CNKSR2: variants seen among roughly 807,000 people sequenced by gnomAD.
The protein encoded by CNKSR2 is connector enhancer of kinase suppressor of Ras 2.
A neutral mutation model predicts 84.4 loss-of-function variants in CNKSR2; 14 were observed. That is an observed-to-expected ratio of 0.17 (90% CI 0.11 to 0.26). The LOEUF (loss-of-function observed/expected upper bound fraction) is 0.26, where lower values mean the gene tolerates loss of function less well. Ranked by LOEUF, CNKSR2 falls within the 10% of genes least tolerant of loss-of-function variation. CNKSR2 has a pLI of 1.00. For synonymous variants in CNKSR2, 275 were observed against 277.9 expected (o/e 0.99, Z 0.10); for missense variants, 485 against 771.2 (o/e 0.63, Z 4.40).
chrX:21,456,375 C>G (rs1473183129), intron 4 of CNKSR2, among the ~76,000 whole-genome samples: 1 of 111,364 alleles, frequency 9.0e-6, no homozygotes, highest in Non-Finnish European at 1.9e-5. Flanking sequence ...CTCCTCCCAC[C>G]CTGTCCATTG....
At chrX:21,635,575 T>C (rs1482233226) in intron 20 of CNKSR2, among the ~76,000 whole-genome samples, 3 of 108,324 alleles carry the variant, frequency 2.8e-5, no homozygotes, top group African/African-American at 1.0e-4. Flanking sequence ...TATGTATATA[T>C]AAATGTGTGT....
At chrX:21,572,375 T>C (rs920134586) in intron 13 of CNKSR2, among the ~76,000 whole-genome samples, 3 of 112,940 alleles carry the variant, frequency 2.7e-5, no homozygotes, top group Non-Finnish European at 3.7e-5. Flanking sequence ...AGGTTACAAA[T>C]TGAATAATCA....
chrX:21,375,182 G>A, intron 1 of CNKSR2, among the ~76,000 whole-genome samples: 1 of 113,114 alleles, frequency 8.8e-6, no homozygotes, highest in Non-Finnish European at 1.9e-5. Flanking sequence ...GAGAGCTAGA[G>A]GGCAGCGGGC....
intron 5 of CNKSR2, among the ~76,000 whole-genome samples, chrX:21,478,951 G>A (rs965599308): frequency 8.1e-5 from 9 of 111,450 alleles, no homozygotes; most frequent in Non-Finnish European, 3.8e-5. Flanking sequence ...ATTCAGTTTT[G>A]ATACATGGGC....
chrX:21,374,629 CA>C lies in CNKSR2; in HGVS notation c.-268del, dbSNP rs1161359289. 868 of 501,488 alleles carry C rather than the reference CA, an allele frequency of 1.7e-3. 5 individuals are homozygous for C. Among genetic ancestry groups the C allele is most frequent in the African/African-American group, 4.8e-3 (203 of 42,107 alleles). 41.3% of individuals were successfully genotyped at this position (501,488 alleles called of 1,213,427 possible). A position where few individuals can be genotyped will look rare whatever the true frequency, so the allele number is the denominator to read the frequency against. On this transcript the variant is annotated 5_prime_UTR_variant, in exon 1 of 22. Transcript: ENST00000379510. The stretch of plus-strand genomic sequence containing the variant: ...GCAGCAGCAGCAGCAGCAGCAGCAG[CA>C]GCCGCCGCCGCCGCCGCCTTAGCGG...
At chrX:21,615,974 G>T (rs2092575027) in intron 20 of CNKSR2, among the ~76,000 whole-genome samples, 1 of 111,331 alleles carries the variant, frequency 9.0e-6, no homozygotes, top group South Asian at 3.7e-4. Context: ...TTTCCTTTTT[G>T]ACTTTGGACA....
chrX:21,422,756 T>C (rs1457572874), intron 1 of CNKSR2, among the ~76,000 whole-genome samples: 1 of 111,480 alleles, frequency 9.0e-6, no homozygotes, highest in Non-Finnish European at 1.9e-5. Flanking sequence ...TGGATGGGCA[T>C]GTTTGAGGTG....
chrX:21,594,894 T>C, intron 15 of CNKSR2, 80 bp from the exon 16 acceptor site: 1 of 728,579 alleles, frequency 1.4e-6, no homozygotes, highest in Middle Eastern at 3.1e-4. Context: ...TTAGTACAGA[T>C]ATCTAAGCCA....
intron 20 of CNKSR2, among the ~76,000 whole-genome samples, chrX:21,614,896 A>G (rs889641179): frequency 1.8e-5 from 2 of 111,687 alleles, no homozygotes; most frequent in African/African-American, 6.5e-5. Flanking sequence ...ACAGCATTCA[A>G]AAAGCCAAAG....
At chrX:21,491,485 A>C (rs1317609115) in intron 6 of CNKSR2, 3 of 112,185 alleles carry the variant, frequency 2.7e-5, no homozygotes, top group Non-Finnish European at 3.8e-5. Flanking sequence ...TTTTTCATAC[A>C]TCTATATAAC....
chrX:21,397,828 A>G (rs1010862369), intron 1 of CNKSR2, among the ~76,000 whole-genome samples: 1 of 111,962 alleles, frequency 8.9e-6, no homozygotes, highest in Non-Finnish European at 1.9e-5. Flanking sequence ...TACATTGTAT[A>G]CACATATCGA....
At chrX:21,635,942 T>A (rs1035393311) in intron 20 of CNKSR2, among the ~76,000 whole-genome samples, 1 of 111,466 alleles carries the variant, frequency 9.0e-6, no homozygotes, top group Non-Finnish European at 1.9e-5. Flanking sequence ...GAAGACATTT[T>A]TACCACCCAG....
intron 5 of CNKSR2, among the ~76,000 whole-genome samples, chrX:21,487,468 A>G (rs183298073): frequency 1.8e-5 from 2 of 111,713 alleles, no homozygotes; most frequent in East Asian, 5.6e-4. Flanking sequence ...CTATTTATGT[A>G]TTGGACTCTT....
intron 4 of CNKSR2, among the ~76,000 whole-genome samples, chrX:21,467,567 G>A (rs1292946178): frequency 5.4e-5 from 6 of 111,618 alleles, no homozygotes; most frequent in African/African-American, 2.0e-4. Flanking sequence ...ATCTCTTAAT[G>A]CAGATTTAAA....
At chrX:21,455,472 A>G (rs1428878421) in intron 4 of CNKSR2, among the ~76,000 whole-genome samples, 7 of 112,245 alleles carry the variant, frequency 6.2e-5, no homozygotes, top group African/African-American at 2.3e-4. Context: ...TGCTTTACCC[A>G]AGAGATTGTA....
At chrX:21,392,060 C>G (rs1408457086) in intron 1 of CNKSR2, among the ~76,000 whole-genome samples, 1 of 111,766 alleles carries the variant, frequency 8.9e-6, no homozygotes, top group Non-Finnish European at 1.9e-5. Flanking sequence ...CTGCAGTTCC[C>G]AATAATTTCC....
At chrX:21,475,293 T>TC (rs2091248704) in intron 5 of CNKSR2, among the ~76,000 whole-genome samples, 1 of 111,984 alleles carries the variant, frequency 8.9e-6, no homozygotes, top group Non-Finnish European at 1.9e-5. Flanking sequence ...TCCAAATATC[T>TC]AATGTACTCC....
At chrX:21,598,534 A>G (rs1325282912) in intron 17 of CNKSR2, among the ~76,000 whole-genome samples, 1 of 111,921 alleles carries the variant, frequency 8.9e-6, no homozygotes. Flanking sequence ...TGATATGGTA[A>G]GGTACTGACT....
chrX:21,426,485 T>A lies in CNKSR2; in HGVS notation c.65-12T>A. On this transcript the variant is annotated splice_polypyrimidine_tract_variant and intron_variant, in intron 1 of 21. Coordinates refer to ENST00000379510, the MANE Select transcript of CNKSR2 (RefSeq NM_014927.5). ...TGTTTTCATTCTGGTCTTTCATACT[T>A]TTATTTTGTAGGTCTTGATGACTGT... is the stretch of plus-strand genomic sequence containing the variant. 8.3e-7 allele frequency: 1 copy of A among 1,203,410 alleles called. No individual in the cohort carries two copies. The highest frequency in any genetic ancestry group is 1.1e-6 in the Non-Finnish European group (1 of 889,712).
Sources: gnomAD v4.1 joint callset for allele counts (sites outside exome capture counted in the v4.1 genomes callset) on GRCh38, gnomAD v4.1.1 for gene constraint, MANE v1.5 for transcripts, NCBI Gene and HGNC (gene_info 2026-07-23, HGNC 2026-07-21) for gene names.